ENTREP2: variants seen among roughly 807,000 people sequenced by gnomAD.
The protein encoded by ENTREP2 is endosomal transmembrane epsin interactor 2.
the ENTREP2 span, among the ~76,000 whole-genome samples, chr15:29,423,573 G>A: frequency 2.0e-5 from 3 of 151,504 alleles, no homozygotes; most frequent in Admixed American, 6.6e-5. Context: ...GGATCACGCG[G>A]TCAGGAGATC....
chr15:29,351,776 T>TG, the ENTREP2 span, among the ~76,000 whole-genome samples: 1 of 152,130 alleles, frequency 6.6e-6, no homozygotes, highest in East Asian at 1.9e-4. Context: ...CCCAAGTTGC[T>TG]GGCACTACAG....
the ENTREP2 span, among the ~76,000 whole-genome samples, chr15:29,500,828 T>C: frequency 6.6e-6 from 1 of 151,822 alleles, no homozygotes; most frequent in Non-Finnish European, 1.5e-5. Context: ...AGATCAACAA[T>C]ATTGACAAAC....
At chr15:29,562,797 GTT>G in the ENTREP2 span, among the ~76,000 whole-genome samples, 1 of 151,732 alleles carries the variant, frequency 6.6e-6, no homozygotes, top group African/African-American at 2.4e-5. Flanking sequence ...ATTTGTTTTT[GTT>G]TTTGTTTTTG....
chr15:29,624,873 G>T, the ENTREP2 span, among the ~76,000 whole-genome samples: 1 of 94,918 alleles, frequency 1.1e-5, no homozygotes, highest in African/African-American at 5.6e-5. Context: ...GCATTAATTT[G>T]TGTGTGTGTG....
chr15:29,204,892 C>A, the ENTREP2 span, among the ~76,000 whole-genome samples: 1 of 152,144 alleles, frequency 6.6e-6, no homozygotes, highest in South Asian at 2.1e-4. Context: ...AACATATTCA[C>A]CTCGTTGTGC....
the ENTREP2 span, among the ~76,000 whole-genome samples, chr15:29,227,284 T>G: frequency 6.6e-6 from 1 of 152,218 alleles, no homozygotes; most frequent in Non-Finnish European, 1.5e-5. Flanking sequence ...AGAACCCTCA[T>G]GGCTCTGCCA....
the ENTREP2 span, among the ~76,000 whole-genome samples, chr15:29,222,040 T>C: frequency 6.6e-6 from 1 of 152,164 alleles, no homozygotes; most frequent in East Asian, 1.9e-4. Flanking sequence ...CCATCTTGGA[T>C]AGGGGCTGGG....
the ENTREP2 span, among the ~76,000 whole-genome samples, chr15:29,534,494 C>T: frequency 1.3e-5 from 2 of 152,176 alleles, no homozygotes; most frequent in African/African-American, 4.8e-5. Flanking sequence ...ACAGGGCAAA[C>T]AAGTATACTT....
the ENTREP2 span, among the ~76,000 whole-genome samples, chr15:29,608,522 T>TTTATTATTA: frequency 0.17 from 23,809 of 140,322 alleles, 2,325 homozygotes; most frequent in East Asian, 0.36. Context: ...TCCTGCCTTC[T>TTTATTATTA]TTATTATTAT....
chr15:29,211,667 G>A, the ENTREP2 span, among the ~76,000 whole-genome samples: 3 of 152,146 alleles, frequency 2.0e-5, no homozygotes, highest in South Asian at 4.1e-4. Context: ...TCCCGATTTT[G>A]CCGAGAGTTT....
chr15:29,479,431 C>T, the ENTREP2 span, among the ~76,000 whole-genome samples: 1 of 151,912 alleles, frequency 6.6e-6, no homozygotes, highest in African/African-American at 2.4e-5. Context: ...TTTATAGCGA[C>T]ACAAGAAGGG....
At chr15:29,190,660 TTAA>T in the ENTREP2 span, among the ~76,000 whole-genome samples, 2 of 152,310 alleles carry the variant, frequency 1.3e-5, no homozygotes, top group African/African-American at 4.8e-5. Context: ...TCAGTATCAG[TTAA>T]TTCAAACACA....
chr15:29,356,106 T>TTTTTTTTTTTTTTTTTTTTTTTG, the ENTREP2 span, among the ~76,000 whole-genome samples: 1 of 151,448 alleles, frequency 6.6e-6, no homozygotes, highest in African/African-American at 2.4e-5. Context: ...ACTCTATTCT[T>TTTTTTTTTTTTTTTTTTTTTTTG]AAAACAAGTG....
At chr15:29,398,049 G>C in the ENTREP2 span, among the ~76,000 whole-genome samples, 1 of 150,990 alleles carries the variant, frequency 6.6e-6, no homozygotes, top group Non-Finnish European at 1.5e-5. Flanking sequence ...GTTACATTAA[G>C]TTATTCCCTC....
chr15:29,333,967 C>T, the ENTREP2 span, among the ~76,000 whole-genome samples: 120 of 151,946 alleles, frequency 7.9e-4, 3 homozygotes, highest in East Asian at 0.012. Flanking sequence ...CGTCACGTCA[C>T]GGATTACCAG....
chr15:29,356,766 G>T, the ENTREP2 span, among the ~76,000 whole-genome samples: 1 of 152,096 alleles, frequency 6.6e-6, no homozygotes, highest in Non-Finnish European at 1.5e-5. Flanking sequence ...AGTATTCCAT[G>T]GTCAAGGCCA....
the ENTREP2 span, among the ~76,000 whole-genome samples, chr15:29,251,656 T>C: frequency 6.6e-6 from 1 of 151,814 alleles, no homozygotes; most frequent in Non-Finnish European, 1.5e-5. Flanking sequence ...TGTTCTACAA[T>C]GTACACAGCA....
At chr15:29,490,281 C>T in the ENTREP2 span, among the ~76,000 whole-genome samples, 3 of 152,186 alleles carry the variant, frequency 2.0e-5, no homozygotes, top group Non-Finnish European at 4.4e-5. Flanking sequence ...AGAAGCAAAG[C>T]TGCAGAACTT....
the ENTREP2 span, among the ~76,000 whole-genome samples, chr15:29,325,263 C>G: frequency 6.6e-5 from 10 of 151,918 alleles, no homozygotes; most frequent in East Asian, 1.9e-4. Context: ...TAAGCGTGTA[C>G]CTTAGGAAAC....
Sources: allele counts gnomAD v4.1 joint callset (sites outside exome capture counted in the v4.1 genomes callset), GRCh38; gene constraint gnomAD v4.1.1; transcripts MANE v1.5; gene names NCBI Gene and HGNC (gene_info 2026-07-23, HGNC 2026-07-21).